The following TANC2 variants were observed in gnomAD, a reference collection of about 807,000 sequenced individuals.
The protein encoded by TANC2 is tetratricopeptide repeat, ankyrin repeat and coiled-coil containing 2.
A neutral mutation model predicts 210.5 loss-of-function variants in TANC2; 26 were observed. The observed-to-expected ratio is 0.12, with a 90% CI of 0.09 to 0.17. The LOEUF is 0.17. Among genes scored for constraint, TANC2 ranks in the 10% least tolerant of loss-of-function variants. TANC2 has a pLI of 1.00. For missense variants in TANC2, 2,129 were observed against 2,608.9 expected (o/e 0.82, Z 4.01); for synonymous variants, 931 against 967.1 (o/e 0.96, Z 0.69).
chr17:63,031,091 C>G (rs28528075), intron 2 of TANC2, among the ~76,000 whole-genome samples: 1,411 of 130,320 alleles, frequency 0.011, 24 homozygotes, highest in African/African-American at 0.038. Context: ...ATTTTAGTAT[C>G]AGAGGCCTGC....
intron 19 of TANC2, chr17:63,399,243 G>C (rs991811210): frequency 1.2e-5 from 2 of 168,806 alleles, no homozygotes; most frequent in African/African-American, 4.8e-5. Flanking sequence ...TCCTTTTTAT[G>C]TGATCCTTGT....
chr17:63,421,980 CAT>C lies in TANC2; in HGVS notation c.*28_*29del. ...AAAGACGTTTTGTTGGAGTGAGACC[CAT>C]ATGTTTTCACTGCACATTTTCAGGC... On this transcript the variant is annotated 3_prime_UTR_variant, in exon 28 of 28. Transcript: ENST00000689528. The surrounding 1 kb of genome is among the most constrained non-coding windows in gnomAD (Gnocchi z 6.9). 2 of 1,562,400 alleles carry C rather than the reference CAT, an allele frequency of 1.3e-6. No individual in the cohort carries two copies. Among genetic ancestry groups the C allele is most frequent in the Non-Finnish European group, 1.7e-6 (2 of 1,155,228 alleles).
At chr17:63,359,358 T>G (rs1243271550) in intron 14 of TANC2, among the ~76,000 whole-genome samples, 1 of 151,572 alleles carries the variant, frequency 6.6e-6, no homozygotes, top group Non-Finnish European at 1.5e-5. Flanking sequence ...ATTTTTTTTT[T>G]TTTTTCGAGA....
chr17:63,200,906 G>A, exon 7 of TANC2: 6 of 1,613,754 alleles, frequency 3.7e-6, no homozygotes, highest in South Asian at 1.1e-5. Flanking sequence ...CAGCTATGGG[G>A]CTGTTACTAG....
At chr17:63,293,420 C>T (rs927751184) in intron 9 of TANC2, among the ~76,000 whole-genome samples, 11 of 152,130 alleles carry the variant, frequency 7.2e-5, no homozygotes, top group African/African-American at 2.7e-4. Flanking sequence ...AGAGGTACTT[C>T]GAGGCTAGAC....
intron 2 of TANC2, among the ~76,000 whole-genome samples, chr17:63,042,961 A>G (rs2035246582): frequency 1.3e-5 from 2 of 152,136 alleles, no homozygotes; most frequent in African/African-American, 4.8e-5. Flanking sequence ...CAAAGTAACA[A>G]CATCCATAGA....
intron 3 of TANC2, among the ~76,000 whole-genome samples, chr17:63,078,841 C>CT (rs1272282758): frequency 6.6e-6 from 1 of 152,132 alleles, no homozygotes; most frequent in East Asian, 1.9e-4. Flanking sequence ...TCTGTGTGCG[C>CT]TTTAAAAGAA....
intron 5 of TANC2, among the ~76,000 whole-genome samples, chr17:63,169,367 T>A (rs2040322153): frequency 6.6e-6 from 1 of 152,144 alleles, no homozygotes; most frequent in Non-Finnish European, 1.5e-5. Flanking sequence ...GGATGATGAT[T>A]TTTTCTCTCT....
chr17:63,049,164 G>C (rs1197660768), intron 2 of TANC2, among the ~76,000 whole-genome samples: 2 of 152,040 alleles, frequency 1.3e-5, no homozygotes, highest in Non-Finnish European at 2.9e-5. Flanking sequence ...GCTATTTTTT[G>C]AGTACCTTCT....
chr17:63,222,963 C>A (rs1290837965), intron 7 of TANC2, among the ~76,000 whole-genome samples: 1 of 152,178 alleles, frequency 6.6e-6, no homozygotes, highest in Admixed American at 6.5e-5. Context: ...AAAGGTATGA[C>A]ACACTGATAC....
At chr17:63,178,110 T>G (rs1485926657) in intron 5 of TANC2, among the ~76,000 whole-genome samples, 1 of 152,052 alleles carries the variant, frequency 6.6e-6, no homozygotes, top group Admixed American at 6.5e-5. Flanking sequence ...GGTGGGCGGG[T>G]CACAAGGTCA....
intron 14 of TANC2, among the ~76,000 whole-genome samples, chr17:63,373,552 C>G (rs1392396208): frequency 6.6e-6 from 1 of 152,150 alleles, no homozygotes; most frequent in Non-Finnish European, 1.5e-5. Flanking sequence ...CATTCTAGCT[C>G]TTTTACTTCC....
intron 11 of TANC2, chr17:63,332,569 C>T (rs1408382649): frequency 1.3e-5 from 4 of 315,518 alleles, no homozygotes; most frequent in Non-Finnish European, 1.2e-5. Flanking sequence ...ACACAGGCCC[C>T]GCTGCCTCTA....
intron 14 of TANC2, among the ~76,000 whole-genome samples, chr17:63,358,352 TGAGAGAGAGAGAGA>T (rs5821386): frequency 7.2e-6 from 1 of 137,982 alleles, no homozygotes; most frequent in East Asian, 2.1e-4. Context: ...GTGAGTAGAG[TGAGAGAGAGAGAGA>T]GAGAGAGAGA....
chr17:63,025,862 A>T (rs867135962), intron 2 of TANC2, among the ~76,000 whole-genome samples: 1 of 125,894 alleles, frequency 7.9e-6, no homozygotes, highest in Admixed American at 7.7e-5. Context: ...TAAAATAAAA[A>T]ATAAAATATC....
intron 4 of TANC2, among the ~76,000 whole-genome samples, chr17:63,135,724 A>G (rs1218918448): frequency 6.6e-6 from 1 of 152,154 alleles, no homozygotes; most frequent in Admixed American, 6.5e-5. Flanking sequence ...AGCTACTTTA[A>G]AACTCAGAAG....
chr17:63,279,493 G>T (rs1479388761), intron 9 of TANC2, among the ~76,000 whole-genome samples: 1 of 151,838 alleles, frequency 6.6e-6, no homozygotes, highest in East Asian at 1.9e-4. Context: ...GATCTTAGGG[G>T]CTATAAATTA....
intron 4 of TANC2, among the ~76,000 whole-genome samples, chr17:63,147,038 G>T (rs1177471986): frequency 5.3e-5 from 8 of 151,948 alleles, no homozygotes; most frequent in Admixed American, 3.9e-4. Flanking sequence ...TGACTGAAAA[G>T]AAATTCTAAT....
At chr17:63,364,136 G>A (rs1195104681) in intron 14 of TANC2, among the ~76,000 whole-genome samples, 3 of 152,188 alleles carry the variant, frequency 2.0e-5, no homozygotes, top group African/African-American at 7.2e-5. Flanking sequence ...ATGACCCAAT[G>A]TCATGGTTTT....
Sources: gnomAD v4.1 joint callset for allele counts (sites outside exome capture counted in the v4.1 genomes callset) on GRCh38, gnomAD v4.1.1 for gene constraint, Gnocchi (gnomAD v3.1) non-coding constraint, MANE v1.5 for transcripts, NCBI Gene and HGNC (gene_info 2026-07-23, HGNC 2026-07-21) for gene names.